HS3ST5: variants seen among roughly 807,000 people sequenced by gnomAD.
HS3ST5 encodes heparan sulfate glucosamine 3-O-sulfotransferase 5.
In HS3ST5, 10 loss-of-function variants were observed where a neutral mutation model predicts 25.4. The ratio of observed to expected loss-of-function variants is 0.39; its 90% CI spans 0.24 to 0.67. The LOEUF is 0.67. Ranked by LOEUF, HS3ST5 falls within the 30% of genes least tolerant of loss-of-function variation. HS3ST5 has a pLI of 0.44. For missense variants in HS3ST5, 324 were observed against 420.7 expected, an observed-to-expected ratio of 0.77 and a Z score of 2.01; for synonymous variants, 170 against 162.4, an observed-to-expected ratio of 1.05 and a Z score of -0.36.
intron 3 of HS3ST5, among the ~76,000 whole-genome samples, chr6:114,150,768 C>G (rs1429458996): frequency 1.3e-5 from 2 of 152,104 alleles, no homozygotes; most frequent in Admixed American, 6.5e-5. Context: ...TGAAAGAAAG[C>G]CTTATCATTT....
intron 2 of HS3ST5, among the ~76,000 whole-genome samples, chr6:114,224,942 C>T (rs995362488): frequency 1.3e-5 from 2 of 151,554 alleles, no homozygotes; most frequent in Non-Finnish European, 3.0e-5. Context: ...AAGAAGGGCT[C>T]TAATAGTTGC....
chr6:114,168,478 G>A lies in HS3ST5; in HGVS notation c.-144-16C>T, dbSNP rs1409974580. ...GCTTTAGCACCTGGGGGTGGACAAG[G>A]AGGCAAAGTGATTTTCCAATTAAGT... On this transcript the variant is annotated splice_polypyrimidine_tract_variant and intron_variant, in intron 2 of 4. Coordinates refer to ENST00000312719, the MANE Select transcript of HS3ST5 (RefSeq NM_153612.4). The A allele has an allele frequency of 6.6e-6, 1 of 152,180 alleles. No homozygotes were observed. Among genetic ancestry groups the A allele is most frequent in the Non-Finnish European group, 1.5e-5 (1 of 68,054 alleles). 9.4% of individuals were successfully genotyped at this position (152,180 alleles called of 1,614,324 possible). A position where few individuals can be genotyped will look rare whatever the true frequency, so the allele number is the denominator to read the frequency against.
chr6:114,309,061 TA>T (rs1168248850), intron 1 of HS3ST5, among the ~76,000 whole-genome samples: 1 of 152,132 alleles, frequency 6.6e-6, no homozygotes, highest in Non-Finnish European at 1.5e-5. Flanking sequence ...GTCAATAATA[TA>T]AAATACAGAG....
chr6:114,202,595 C>G (rs1374916346), intron 2 of HS3ST5, among the ~76,000 whole-genome samples: 1 of 152,060 alleles, frequency 6.6e-6, no homozygotes, highest in African/African-American at 2.4e-5. Context: ...GGTTGGCTGT[C>G]AGGTTCATTT....
At chr6:114,234,906 T>C (rs531445943) in intron 1 of HS3ST5, among the ~76,000 whole-genome samples, 1 of 152,290 alleles carries the variant, frequency 6.6e-6, no homozygotes, top group African/African-American at 2.4e-5. Flanking sequence ...GCAGATCACC[T>C]GAGGTCAGGA....
At chr6:114,329,078 C>G (rs1776287672) in intron 1 of HS3ST5, among the ~76,000 whole-genome samples, 2 of 152,094 alleles carry the variant, frequency 1.3e-5, no homozygotes, top group South Asian at 4.1e-4. Context: ...GATGATAAAT[C>G]TATAAGAAAA....
chr6:114,190,034 A>C (rs750941027), intron 2 of HS3ST5, among the ~76,000 whole-genome samples: 10 of 152,224 alleles, frequency 6.6e-5, no homozygotes, highest in Non-Finnish European at 1.3e-4. Context: ...CCAGTGAGGA[A>C]GAAAGCTGTG....
At chr6:114,133,809 T>A (rs980853748) in intron 3 of HS3ST5, among the ~76,000 whole-genome samples, 6 of 152,044 alleles carry the variant, frequency 3.9e-5, no homozygotes, top group African/African-American at 1.4e-4. Flanking sequence ...CTGGTTGAGA[T>A]AGGGTGCAGG....
chr6:114,202,008 T>C (rs1781038725), intron 2 of HS3ST5, among the ~76,000 whole-genome samples: 1 of 151,928 alleles, frequency 6.6e-6, no homozygotes, highest in Admixed American at 6.6e-5. Context: ...CCATGACACA[T>C]GGGGAGTATG....
At chr6:114,342,131 C>T (rs71566768) in intron 1 of HS3ST5, 64 bp downstream of exon 1, 13,411 of 152,330 alleles carry the variant, frequency 0.088, 766 homozygotes, top group Non-Finnish European at 0.13. Flanking sequence ...CTTCTCATTT[C>T]CCCCCAAATC....
intron 1 of HS3ST5, among the ~76,000 whole-genome samples, chr6:114,271,157 A>G (rs1399258253): frequency 6.6e-6 from 1 of 152,052 alleles, no homozygotes; most frequent in Non-Finnish European, 1.5e-5. Context: ...AATTGTTACA[A>G]AGTTCTTTGT....
At chr6:114,260,309 AAC>A (rs2114664491) in intron 1 of HS3ST5, among the ~76,000 whole-genome samples, 1 of 152,318 alleles carries the variant, frequency 6.6e-6, no homozygotes, top group East Asian at 1.9e-4. Context: ...ACTAATTTTT[AAC>A]ACACATTTTC....
chr6:114,261,390 G>A (rs1324657369), intron 1 of HS3ST5, among the ~76,000 whole-genome samples: 1 of 152,194 alleles, frequency 6.6e-6, no homozygotes, highest in Non-Finnish European at 1.5e-5. Context: ...AGAATCTCTT[G>A]TTTAAGGGGT....
chr6:114,310,637 T>C (rs7750093), intron 1 of HS3ST5, among the ~76,000 whole-genome samples: 5,393 of 151,978 alleles, frequency 0.035, 323 homozygotes, highest in African/African-American at 0.12. Flanking sequence ...AGATGCTCTT[T>C]GACTTGCAAT....
intron 2 of HS3ST5, among the ~76,000 whole-genome samples, chr6:114,210,494 G>A (rs1781467128): frequency 6.6e-6 from 1 of 152,154 alleles, no homozygotes; most frequent in Non-Finnish European, 1.5e-5. Flanking sequence ...GATTAACAGG[G>A]GCTGCATTAA....
chr6:114,248,414 A>C (rs1307823422), intron 1 of HS3ST5, among the ~76,000 whole-genome samples: 1 of 151,804 alleles, frequency 6.6e-6, no homozygotes, highest in Non-Finnish European at 1.5e-5. Context: ...AAACACTAAC[A>C]GTTTCTTACA....
At chr6:114,254,468 T>C (rs1210090367) in intron 1 of HS3ST5, among the ~76,000 whole-genome samples, 1 of 152,216 alleles carries the variant, frequency 6.6e-6, no homozygotes, top group Non-Finnish European at 1.5e-5. Context: ...GAGTTGAGTC[T>C]CTTGAGTAGG....
At chr6:114,289,530 C>T (rs991156169) in intron 1 of HS3ST5, among the ~76,000 whole-genome samples, 5 of 152,118 alleles carry the variant, frequency 3.3e-5, no homozygotes, top group African/African-American at 9.7e-5. Flanking sequence ...TTCTCAACTT[C>T]TTCCAGCGTA....
At chr6:114,247,759 A>G (rs1015321) in intron 1 of HS3ST5, among the ~76,000 whole-genome samples, 84,761 of 150,140 alleles carry the variant, frequency 0.56, 24,713 homozygotes, top group African/African-American at 0.72. Flanking sequence ...TTTAATATCC[A>G]TATTTTTTCT....
Sources: gnomAD v4.1 joint callset for allele counts (sites outside exome capture counted in the v4.1 genomes callset) on GRCh38, gnomAD v4.1.1 for gene constraint, MANE v1.5 for transcripts, NCBI Gene and HGNC (gene_info 2026-07-23, HGNC 2026-07-21) for gene names.